Variants in SLC24A1 observed in about 807,000 individuals in gnomAD.
The protein encoded by SLC24A1 is sodium/potassium/calcium exchanger 1.
Under a neutral mutation model 88.1 loss-of-function variants are expected in SLC24A1, and 52 were observed. The observed-to-expected ratio is 0.59, with a 90% CI of 0.47 to 0.74. The LOEUF (loss-of-function observed/expected upper bound fraction) is 0.74. SLC24A1 is among the 30% of genes least tolerant of loss of function. SLC24A1 has a pLI of 0.00. For missense variants in SLC24A1, 1,173 were observed against 1,363.3 expected (o/e 0.86, Z 2.20); for synonymous variants, 455 against 498.0 (o/e 0.91, Z 1.15).
At position 65,639,558 on chromosome 15, in the gene SLC24A1, G is replaced by A. The variant is rs373542522; in HGVS notation, c.1945-37G>A. 6 of 1,387,792 alleles carry A rather than the reference G, an allele frequency of 4.3e-6. No homozygotes were observed. The African/African-American group carries it at 1.1e-4, about 25-fold the overall frequency. The allele number at this position is 1,387,792 out of a possible 1,614,324, so 86.0% of individuals were successfully genotyped here. On this transcript the variant is annotated intron_variant, in intron 3 of 9. Coordinates refer to ENST00000261892, the MANE Select transcript of SLC24A1 (RefSeq NM_004727.3). ...CCTCGTGTGGTTCCTCCCCTGGCTT[G>A]GACAGGGGCCCACTGTGCGGCTCTC... is the stretch of plus-strand genomic sequence containing the variant.
chr15:65,650,317 G>C lies in SLC24A1; in HGVS notation c.2233-65G>C. On this transcript the variant is annotated intron_variant, in intron 6 of 9. Transcript: ENST00000261892. This position sits in a 1 kb window ranked among gnomAD's most constrained non-coding sequence, Gnocchi z 4.1. ...AGAAGCACGCCAACAAAAAAATGGG[G>C]GAGTAACATAAGGAAAACAAGCAGA... 1 of 1,343,170 alleles carries C rather than the reference G, an allele frequency of 7.4e-7. No individual in the cohort carries two copies. Among genetic ancestry groups the C allele is most frequent in the South Asian group, 1.4e-5 (1 of 71,426 alleles). The allele number at this position is 1,343,170 out of a possible 1,614,324, so 83.2% of individuals were successfully genotyped here. A position where few individuals can be genotyped will look rare whatever the true frequency, so the allele number is the denominator to read the frequency against.
chr15:65,641,170 C>T (rs751924363), intron 4 of SLC24A1, among the ~76,000 whole-genome samples: 2 of 152,112 alleles, frequency 1.3e-5, no homozygotes, highest in African/African-American at 4.8e-5. Flanking sequence ...GTCAAGAAAT[C>T]GAGAGCATCC....
chr15:65,658,307 A>C (rs1249935688), downstream of SLC24A1: 1 of 152,238 alleles, frequency 6.6e-6, no homozygotes, highest in Non-Finnish European at 1.5e-5. Context: ...AATAAAGCTT[A>C]GTCTTATATC....
At chr15:65,632,296 A>G (rs535761334) in intron 2 of SLC24A1, among the ~76,000 whole-genome samples, 1 of 152,334 alleles carries the variant, frequency 6.6e-6, no homozygotes, top group Admixed American at 6.5e-5. Context: ...TTAAGACAGA[A>G]TCATCTGGAC....
Position 65,655,936 on chromosome 15 carries a change from A to AG in SLC24A1, c.*1858dup, listed in dbSNP as rs2141753350. 1 of 985,276 alleles carries AG rather than the reference A, an allele frequency of 1.0e-6. No homozygotes were observed. Among genetic ancestry groups the AG allele is most frequent in the Admixed American group, 6.1e-5 (1 of 16,284 alleles). The allele number at this position is 985,276 out of a possible 1,614,324, so 61.0% of individuals were successfully genotyped here. A position where few individuals can be genotyped will look rare whatever the true frequency, so the allele number is the denominator to read the frequency against. On this transcript the variant is annotated 3_prime_UTR_variant, in exon 10 of 10. Coordinates refer to ENST00000261892, the MANE Select transcript of SLC24A1 (RefSeq NM_004727.3). ...AGAATCCTCCCGAGAAGACTGATGA[A>AG]GAGTATGGAATCATGTTCCAATTCT...
chr15:65,622,670 A>T (rs965448308), intron 1 of SLC24A1, among the ~76,000 whole-genome samples: 5 of 151,916 alleles, frequency 3.3e-5, no homozygotes, highest in Non-Finnish European at 7.4e-5. Flanking sequence ...TAAAATGAGG[A>T]TTCTTTGAGG....
chr15:65,646,764 C>T (rs1457132178), intron 6 of SLC24A1, among the ~76,000 whole-genome samples: 1 of 152,212 alleles, frequency 6.6e-6, no homozygotes, highest in African/African-American at 2.4e-5. Flanking sequence ...CAAGTTCCAT[C>T]TCTTTTTTTC....
Position 65,652,733 on chromosome 15 carries a change from T to A in SLC24A1, c.2975T>A (p.Ile992Asn). 1 of 1,613,906 alleles carries A rather than the reference T, an allele frequency of 6.2e-7. No homozygotes were observed. Among genetic ancestry groups the A allele is most frequent in the Non-Finnish European group, 8.5e-7 (1 of 1,179,824 alleles). ...TSIPDLITSV[I>N]VARKGLGDMA... Reference sequence around the variant, plus strand: ...ATTCCTGACCTCATCACCAGTGTGATTGTCGCTCGAAAAGGCCTGGGAGAC... The same window carrying A: ...ATTCCTGACCTCATCACCAGTGTGAATGTCGCTCGAAAAGGCCTGGGAGAC... Residue 992 changes from isoleucine (I) to asparagine (N), a missense_variant, in exon 9 of 10, where the codon ATT becomes AAT. Transcript: ENST00000261892.
intron 8 of SLC24A1, 83 bp downstream of exon 8, chr15:65,651,842 A>G (rs2075520192): frequency 1.3e-6 from 1 of 759,242 alleles, no homozygotes; most frequent in African/African-American, 1.7e-5. Flanking sequence ...GTACTCAGGG[A>G]ATCTCGAGGA....
chr15:65,613,480 TTG>T (rs35141100), intron 2 of SLC24A1, among the ~76,000 whole-genome samples: 45 of 148,852 alleles, frequency 3.0e-4, no homozygotes, highest in Non-Finnish European at 4.0e-4. Flanking sequence ...CAGGGTGATT[TTG>T]TGTGTGTGTG....
Position 65,639,634 on chromosome 15 carries a change from C to G in SLC24A1, c.1984C>G (p.Leu662Val). 2 of 1,612,864 alleles carry G rather than the reference C, an allele frequency of 1.2e-6. No homozygotes were observed. The highest frequency in any genetic ancestry group is 1.3e-5 in the African/African-American group (1 of 75,016). Residue 662 changes from leucine (L) to valine (V), a missense_variant, in exon 4 of 10, where the codon CTG becomes GTG. Leu to Val is a conservative substitution (Grantham distance 32, BLOSUM62 1). Coordinates refer to ENST00000261892, the MANE Select transcript of SLC24A1 (RefSeq NM_004727.3). ...GACCCGAGGGAGCAGCTCGACCTCTCTGCACAACAGCACCATCCGCAGCAC... is the reference window on the plus strand; with the variant it reads ...GACCCGAGGGAGCAGCTCGACCTCTGTGCACAACAGCACCATCCGCAGCAC... ...LLTRGSSSTSLHNSTIRSTIY... is the reference protein window; with the variant it reads ...LLTRGSSSTSVHNSTIRSTIY...
Position 65,624,530 on chromosome 15 carries a change from A to G in SLC24A1, c.450A>G (p.Thr150=), listed in dbSNP as rs189152503. 2.2e-5 allele frequency: 36 copies of G among 1,602,894 alleles called. No homozygotes were observed. Among genetic ancestry groups the G allele is most frequent in the African/African-American group, 5.4e-5 (4 of 74,758 alleles). The change falls in exon 2 of 10, where the codon ACA becomes ACG. Residue 150 remains threonine, a synonymous_variant. Transcript: ENST00000261892. The stretch of plus-strand genomic sequence containing the variant: ...AAGACACCCCAACATCCAGTAGAAC[A>G]CTGACTTACTACACCTCAACTTCAA... The part of the protein sequence containing the change: ...RKEDTPTSSR[T]LTYYTSTSSR...
rs1457169838 is a variant in SLC24A1, at chr15:65,624,670, T to G, written c.590T>G (p.Val197Gly). The change falls in exon 2 of 10, where the codon GTA (valine) becomes GGA (glycine). Residue 197 changes from valine to glycine, a missense_variant. Transcript: ENST00000261892. ...KYTPSPRGRR[V>G]GTYVPSTFMT... ...ACTCCTTCCCCACGTGGTAGAAGAG[T>G]AGGCACTTACGTGCCGTCCACATTC... The G allele has an allele frequency of 1.9e-6, 3 of 1,598,994 alleles. No homozygotes were observed. Among genetic ancestry groups the G allele is most frequent in the Non-Finnish European group, 1.7e-6 (2 of 1,172,744 alleles).
Position 65,650,654 on chromosome 15 carries a change from T to C in SLC24A1, c.2505T>C (p.Ala835=), listed in dbSNP as rs1207042433. The C allele has an allele frequency of 3.2e-6, 5 of 1,547,834 alleles. No homozygotes were observed. In the South Asian group the frequency reaches 6.0e-5, roughly 18 times the overall value. Residue 835 remains alanine (A), a synonymous_variant, in exon 7 of 10, where the codon GCT becomes GCC. Coordinates refer to ENST00000261892, the MANE Select transcript of SLC24A1 (RefSeq NM_004727.3). The surrounding 1 kb of genome is among the most constrained non-coding windows in gnomAD (Gnocchi z 4.1). ...AAACTGAAAGCCAGGAACTCAGTGC[T>C]GAAAATCACGGTGAAGCCAAAAATG... ...EGETESQELS[A]ENHGEAKNDE...
At chr15:65,637,039 A>G (rs558343262) in intron 2 of SLC24A1, among the ~76,000 whole-genome samples, 1 of 151,404 alleles carries the variant, frequency 6.6e-6, no homozygotes, top group African/African-American at 2.4e-5. Context: ...GCAAAAAAAG[A>G]AAAAAAAAGG....
At position 65,635,008 on chromosome 15, in the gene SLC24A1, C is replaced by T. The variant is rs115464049; in HGVS notation, c.1891-3120C>T. ...GAAAGGCTTCAGAAAGTTAGAAGTG[C>T]ATGCTGAAATTAGCCATGAACAATG... On this transcript the variant is annotated intron_variant, in intron 2 of 9. Coordinates refer to ENST00000261892, the MANE Select transcript of SLC24A1 (RefSeq NM_004727.3). Among the ~76,000 whole-genome samples, 550 of 152,148 alleles carry T rather than the reference C, an allele frequency of 3.6e-3. 3 individuals carry two copies. Among genetic ancestry groups the T allele is most frequent in the African/African-American group, 0.013 (529 of 41,520 alleles).
rs772917699 is a variant in SLC24A1 at position 65,652,632 on chromosome 15, C to T, written c.2884-10C>T. 9.9e-6 allele frequency: 16 copies of T among 1,613,202 alleles called. 1 individual carries two copies. In the African/African-American group the frequency reaches 1.1e-4, roughly 11 times the overall value. On this transcript the variant is annotated splice_polypyrimidine_tract_variant and intron_variant, in intron 8 of 9. Coordinates refer to ENST00000261892, the MANE Select transcript of SLC24A1 (RefSeq NM_004727.3). ...TTTTTCACCTACTGTTGACCGTTGCCGTTTACCAGGTTGGTGAAACAATAG... is the reference window on the plus strand; with the variant it reads ...TTTTTCACCTACTGTTGACCGTTGCTGTTTACCAGGTTGGTGAAACAATAG...
intron 4 of SLC24A1, among the ~76,000 whole-genome samples, chr15:65,641,385 TA>T (rs1566958951): frequency 1.1e-4 from 10 of 94,644 alleles, no homozygotes; most frequent in African/African-American, 3.4e-4. Flanking sequence ...AACAAACAAA[TA>T]AATAAATAAA....
upstream of SLC24A1, among the ~76,000 whole-genome samples, chr15:65,617,073 G>A (rs62013117): frequency 1.1e-4 from 16 of 152,088 alleles, no homozygotes; most frequent in African/African-American, 3.6e-4. Context: ...GTTCTGTTCC[G>A]TTGGTCTATA....
Sources: allele counts gnomAD v4.1 joint callset (sites outside exome capture counted in the v4.1 genomes callset), GRCh38; gene constraint gnomAD v4.1.1; non-coding constraint Gnocchi (gnomAD v3.1); transcripts MANE v1.5; gene names NCBI Gene and HGNC (gene_info 2026-07-23, HGNC 2026-07-21).